The following CADM2 variants were observed in gnomAD, a reference collection of about 807,000 sequenced individuals.
CADM2 encodes cell adhesion molecule 2.
A neutral mutation model predicts 49.8 loss-of-function variants in CADM2; 12 were observed. The observed-to-expected ratio is 0.24, with a 90% CI of 0.15 to 0.39. The LOEUF is 0.39. Ranked by LOEUF, CADM2 falls within the 10% of genes least tolerant of loss-of-function variation. The pLI is 1.00. For synonymous variants in CADM2, 214 were observed against 175.4 expected (o/e 1.22, Z -1.74); for missense variants, 378 against 492.3 (o/e 0.77, Z 2.20).
rs527951846 is a variant in CADM2, at chr3:85,582,072, C to T, written c.62-144450C>T. Among the ~76,000 whole-genome samples the T allele has an allele frequency of 5.9e-5, 9 of 152,088 alleles. No homozygotes were observed. In the East Asian group the frequency reaches 9.7e-4, roughly 16 times the overall value. ...CACCCAATAGCTGGTACTACAGGCA[C>T]GCGCCACCAAGTCCAGCTAATTTTT... On this transcript the variant is annotated intron_variant, in intron 1 of 9. Coordinates refer to ENST00000383699, the MANE Select transcript of CADM2 (RefSeq NM_001167675.2).
intron 1 of CADM2, among the ~76,000 whole-genome samples, chr3:85,442,587 AGTATATATATATATATATAT>A (rs1307993573): frequency 1.1e-5 from 1 of 88,270 alleles, no homozygotes; most frequent in Non-Finnish European, 2.0e-5. Context: ...CTTATATATG[AGTATATATATATATATATAT>A]ATATATATAT....
intron 3 of CADM2, among the ~76,000 whole-genome samples, chr3:85,823,316 T>C (rs1216048002): frequency 2.6e-5 from 4 of 152,140 alleles, no homozygotes; most frequent in Non-Finnish European, 4.4e-5. Context: ...AGCTGATACT[T>C]CTATTGTGCA....
chr3:85,509,731 G>T (rs1188149696), intron 1 of CADM2, among the ~76,000 whole-genome samples: 1 of 151,994 alleles, frequency 6.6e-6, no homozygotes, highest in Non-Finnish European at 1.5e-5. Flanking sequence ...AATTAAAACC[G>T]CTATATAAAT....
intron 1 of CADM2, among the ~76,000 whole-genome samples, chr3:85,441,129 A>G (rs893831116): frequency 1.3e-5 from 2 of 151,982 alleles, no homozygotes; most frequent in African/African-American, 4.8e-5. Flanking sequence ...GTATTTTTCA[A>G]TCTTCAGTGT....
At chr3:85,996,891 G>C (rs1729499810) in intron 8 of CADM2, among the ~76,000 whole-genome samples, 1 of 152,064 alleles carries the variant, frequency 6.6e-6, no homozygotes, top group Non-Finnish European at 1.5e-5. Context: ...TCCCTATTTT[G>C]ATGCTTTTGA....
chr3:85,915,532 C>A (rs571064767), intron 6 of CADM2, among the ~76,000 whole-genome samples: 2 of 152,146 alleles, frequency 1.3e-5, no homozygotes, highest in Admixed American at 1.3e-4. Context: ...AATATTAGAG[C>A]AAATTGGTGT....
At chr3:85,660,874 A>T (rs1048255038) in intron 1 of CADM2, among the ~76,000 whole-genome samples, 1 of 151,484 alleles carries the variant, frequency 6.6e-6, no homozygotes, top group Non-Finnish European at 1.5e-5. Context: ...TAAAATCGTG[A>T]CTTCTAGTCC....
At chr3:85,321,033 ATAAT>A in intron 1 of CADM2, among the ~76,000 whole-genome samples, 1 of 146,264 alleles carries the variant, frequency 6.8e-6, no homozygotes, top group East Asian at 2.0e-4. Flanking sequence ...AAGTGAAAGA[ATAAT>A]TAGATTAAAA....
chr3:85,153,125 C>T (rs564347409), intron 1 of CADM2, among the ~76,000 whole-genome samples: 36 of 152,174 alleles, frequency 2.4e-4, no homozygotes, highest in Non-Finnish European at 4.1e-4. Flanking sequence ...CAGCTCCCAG[C>T]GTGAGCGACG....
In CADM2 at chr3:85,105,131, G is replaced by A. The variant is rs1371967268; in HGVS notation, c.61+145463G>A. ...TGTTGAATAGGAGTGGTGAGAAAGG[G>A]CATCCCTGTCATCAGAGGGAACAGG... On this transcript the variant is annotated intron_variant, in intron 1 of 9. Coordinates refer to ENST00000383699, the MANE Select transcript of CADM2 (RefSeq NM_001167675.2). Among the ~76,000 whole-genome samples, 4 of 151,992 alleles carry A rather than the reference G, an allele frequency of 2.6e-5. No individual in the cohort carries two copies. The South Asian group carries it at 6.2e-4, about 24-fold the overall frequency.
At chr3:85,607,110 T>C (rs1480099228) in intron 1 of CADM2, among the ~76,000 whole-genome samples, 1 of 151,886 alleles carries the variant, frequency 6.6e-6, no homozygotes, top group Non-Finnish European at 1.5e-5. Context: ...CCCAACATCA[T>C]AAAACTTTTA....
intron 8 of CADM2, among the ~76,000 whole-genome samples, chr3:85,989,681 T>A (rs906106352): frequency 6.6e-6 from 1 of 152,190 alleles, no homozygotes; most frequent in Middle Eastern, 3.4e-3. Flanking sequence ...TTTTAGTTTT[T>A]CATTTCTCCT....
intron 1 of CADM2, among the ~76,000 whole-genome samples, chr3:85,511,392 C>T (rs189371207): frequency 7.9e-5 from 12 of 152,064 alleles, no homozygotes; most frequent in Admixed American, 6.6e-4. Context: ...TTGTTATTTC[C>T]ACTGCATTGT....
intron 1 of CADM2, among the ~76,000 whole-genome samples, chr3:85,520,429 A>C (rs150099811): frequency 0.01 from 1,524 of 152,152 alleles, 24 homozygotes; most frequent in African/African-American, 0.033. Context: ...GTCCATGTGT[A>C]CAATGCTAAT....
chr3:85,109,725 A>G (rs1260584017), intron 1 of CADM2, among the ~76,000 whole-genome samples: 1 of 152,020 alleles, frequency 6.6e-6, no homozygotes, highest in Non-Finnish European at 1.5e-5. Context: ...AATGGTTAGC[A>G]TATTATCCTT....
chr3:86,004,165 AAACG>A (rs144465384), intron 8 of CADM2, among the ~76,000 whole-genome samples: 2,216 of 152,242 alleles, frequency 0.015, 47 homozygotes, highest in African/African-American at 0.051. Context: ...ACAAAACAAA[AAACG>A]AAGAGTTTCC....
intron 3 of CADM2, among the ~76,000 whole-genome samples, chr3:85,841,810 G>T (rs1475221210): frequency 6.6e-6 from 1 of 151,894 alleles, no homozygotes; most frequent in African/African-American, 2.4e-5. Flanking sequence ...ATTAAACAGA[G>T]AAACATAAAT....
chr3:85,530,431 C>T (rs1048487701), intron 1 of CADM2, among the ~76,000 whole-genome samples: 4 of 99,280 alleles, frequency 4.0e-5, no homozygotes, highest in African/African-American at 5.5e-5. Context: ...CCCGGGTTCA[C>T]GCCATTCTCC....
At chr3:85,600,733 A>T (rs1030610797) in intron 1 of CADM2, among the ~76,000 whole-genome samples, 1 of 151,778 alleles carries the variant, frequency 6.6e-6, no homozygotes, top group Admixed American at 6.6e-5. Context: ...CTTTTGAATC[A>T]GTATGAATTG....
Sources: allele counts gnomAD v4.1 joint callset (sites outside exome capture counted in the v4.1 genomes callset), GRCh38; gene constraint gnomAD v4.1.1; transcripts MANE v1.5; gene names NCBI Gene and HGNC (gene_info 2026-07-23, HGNC 2026-07-21).